Variants in CLASP2 observed in about 807,000 individuals in gnomAD.
The protein encoded by CLASP2 is CLIP-associating protein 2.
A neutral mutation model predicts 194.4 loss-of-function variants in CLASP2; 47 were observed. That is an observed-to-expected ratio of 0.24 (90% CI 0.19 to 0.31). The LOEUF is 0.31. CLASP2 is among the 10% of genes least tolerant of loss of function. The probability of loss-of-function intolerance (pLI) is 1.00; values close to 1 mark genes in which losing one functional copy is unlikely to be tolerated. For missense variants in CLASP2, 1,445 were observed against 1,823.6 expected (o/e 0.79, Z 3.78); for synonymous variants, 619 against 633.5 (o/e 0.98, Z 0.34).
intron 7 of CLASP2, among the ~76,000 whole-genome samples, chr3:33,653,750 G>C (rs2083630599): frequency 1.3e-5 from 2 of 152,168 alleles, no homozygotes; most frequent in Admixed American, 1.3e-4. Flanking sequence ...ATAAATACTA[G>C]TCATGTATTG....
At chr3:33,531,276 A>C (rs922115112) in intron 34 of CLASP2, among the ~76,000 whole-genome samples, 3 of 152,230 alleles carry the variant, frequency 2.0e-5, no homozygotes, top group African/African-American at 7.2e-5. Context: ...ACAGAATGGA[A>C]GAAATATTTG....
In CLASP2 at chr3:33,538,842, C is replaced by T. The variant is rs755679336; in HGVS notation, c.3505G>A (p.Glu1169Lys). The T allele has an allele frequency of 1.4e-5, 23 of 1,604,012 alleles. No homozygotes were observed. Among genetic ancestry groups the T allele is most frequent in the Non-Finnish European group, 1.9e-5 (22 of 1,174,894 alleles). Residue 1169 changes from glutamate (E) to lysine (K), a missense_variant, in exon 33 of 39, where the codon GAA becomes AAA. Physicochemically the swap from Glu to Lys is moderately conservative, Grantham distance 56. This residue lies in a region of CLASP2 where 732 missense variants were observed against 987.9 expected (regional missense o/e 0.74). Coordinates refer to ENST00000682230, the MANE Select transcript of CLASP2 (RefSeq NM_001365631.1). ...CTTTTCAATGGCTCATTCATATCTT[C>T]TTGGCTACGGAAGCTGAAATTCTGG... ...AIQNFSFRSQ[E>K]DMNEPLKRDS...
At chr3:33,671,019 C>T (rs561267679) in intron 6 of CLASP2, among the ~76,000 whole-genome samples, 1 of 152,234 alleles carries the variant, frequency 6.6e-6, no homozygotes, top group Admixed American at 6.5e-5. Context: ...AAATACCCAT[C>T]TCCTGCTGCT....
intron 38 of CLASP2, 76 bp from the exon 39 acceptor site, chr3:33,498,793 A>G: frequency 1.3e-6 from 1 of 788,080 alleles, no homozygotes; most frequent in South Asian, 1.9e-5. Flanking sequence ...AATATTATAT[A>G]CATATATGTG....
intron 23 of CLASP2, among the ~76,000 whole-genome samples, chr3:33,580,726 A>G (rs753398772): frequency 7.2e-5 from 11 of 152,034 alleles, no homozygotes; most frequent in Non-Finnish European, 1.5e-4. Context: ...GTTAAAGAAA[A>G]AAAATCTGGC....
At chr3:33,498,774 A>G in intron 38 of CLASP2, 57 bp from the exon 39 acceptor site, 1 of 1,110,970 alleles carries the variant, frequency 9.0e-7, no homozygotes, top group East Asian at 2.4e-5. Context: ...ATTATAAGAT[A>G]CTCATTAAAA....
intron 34 of CLASP2, among the ~76,000 whole-genome samples, chr3:33,519,927 T>C (rs1193732137): frequency 6.6e-6 from 1 of 152,226 alleles, no homozygotes; most frequent in African/African-American, 2.4e-5. Flanking sequence ...TGATCCTTAG[T>C]AAAGGAGAAG....
At chr3:33,513,993 T>C (rs2050608079) in intron 36 of CLASP2, among the ~76,000 whole-genome samples, 1 of 152,070 alleles carries the variant, frequency 6.6e-6, no homozygotes, top group Admixed American at 6.5e-5. Flanking sequence ...ATTTTTTATT[T>C]ATTTTTATTT....
At chr3:33,703,513 C>G (rs1425755380) in intron 1 of CLASP2, among the ~76,000 whole-genome samples, 1 of 152,192 alleles carries the variant, frequency 6.6e-6, no homozygotes, top group Non-Finnish European at 1.5e-5. Context: ...GAATGCAAAA[C>G]AGTACAGTTA....
chr3:33,606,763 T>TAA lies in CLASP2; in HGVS notation c.1527-7_1527-6dup. 1 of 1,567,362 alleles carries TAA rather than the reference T, an allele frequency of 6.4e-7. No homozygotes were observed. Among genetic ancestry groups the TAA allele is most frequent in the Non-Finnish European group, 8.7e-7 (1 of 1,155,666 alleles). On this transcript the variant is annotated splice_polypyrimidine_tract_variant and splice_region_variant and intron_variant, in intron 15 of 38. Transcript: ENST00000682230. ...TTTCTAAGACCCATGTATGTCCTGT[T>TAA]AAAAAAAAAGAAAAGCAGATGAAGT...
intron 14 of CLASP2, among the ~76,000 whole-genome samples, chr3:33,607,814 A>G (rs932868543): frequency 2.0e-5 from 3 of 152,222 alleles, no homozygotes; most frequent in African/African-American, 4.8e-5. Flanking sequence ...ACCACTGTAG[A>G]AATGATTTGC....
In CLASP2 at chr3:33,496,751, C is replaced by G. The variant is rs982008593; in HGVS notation, c.*1880G>C. 3 of 152,138 alleles carry G rather than the reference C, an allele frequency of 2.0e-5. No individual in the cohort carries two copies. The highest frequency in any genetic ancestry group is 7.2e-5 in the African/African-American group (3 of 41,438). 9.4% of individuals were successfully genotyped at this position (152,138 alleles called of 1,614,324 possible). ...AATGATTACAAACATATCCAAAGGT[C>G]ATAAAATGCTACTGAGAAGAGTTGT... On this transcript the variant is annotated 3_prime_UTR_variant, in exon 39 of 39. Transcript: ENST00000682230.
chr3:33,718,161 G>A lies in CLASP2; in HGVS notation c.-159C>T, dbSNP rs1368938703. On this transcript the variant is annotated 5_prime_UTR_variant, in exon 1 of 39. Coordinates refer to ENST00000682230, the MANE Select transcript of CLASP2 (RefSeq NM_001365631.1). ...CAGCGGGCGGCGGGAGGAACGCCAA[G>A]CGCCCAGCCGCCCCCAAACTAGTCA... The A allele has an allele frequency of 4.9e-6, 3 of 606,310 alleles. No individual in the cohort carries two copies. In the African/African-American group the frequency reaches 5.9e-5, roughly 12 times the overall value. 37.6% of individuals were successfully genotyped at this position (606,310 alleles called of 1,614,324 possible).
At chr3:33,578,867 G>A (rs982995161) in intron 23 of CLASP2, among the ~76,000 whole-genome samples, 5 of 152,194 alleles carry the variant, frequency 3.3e-5, no homozygotes, top group Non-Finnish European at 5.9e-5. Context: ...TTCCAGAGAA[G>A]TTAAACTTTG....
chr3:33,535,273 C>T lies in CLASP2; in HGVS notation c.3747G>A (p.Lys1249=), dbSNP rs773399802. The change falls in exon 34 of 39, where the codon AAG becomes AAA. Residue 1249 remains lysine, a synonymous_variant. Transcript: ENST00000682230. ...SISPFNKSAL[K]EAMFDDDADQ... ...CAGCATCATCATCAAACATGGCTTC[C>T]TTGAGGGCAGACTTGTTGAAGGGAC... is the stretch of plus-strand genomic sequence containing the variant. The T allele has an allele frequency of 6.2e-7, 1 of 1,613,896 alleles. No individual in the cohort carries two copies. The highest frequency in any genetic ancestry group is 1.7e-5 in the Admixed American group (1 of 60,012).
intron 6 of CLASP2, among the ~76,000 whole-genome samples, chr3:33,672,369 C>T (rs1411821966): frequency 6.6e-6 from 1 of 152,194 alleles, no homozygotes; most frequent in East Asian, 1.9e-4. Context: ...TTCCAACAGA[C>T]CTGCAGCTGA....
intron 27 of CLASP2, among the ~76,000 whole-genome samples, chr3:33,566,041 ATCTT>A (rs1485060624): frequency 6.6e-6 from 1 of 152,100 alleles, no homozygotes; most frequent in Non-Finnish European, 1.5e-5. Flanking sequence ...ATACATATCT[ATCTT>A]CATTCATTAT....
Position 33,584,780 on chromosome 3 carries a change from T to C in CLASP2, c.2209A>G (p.Arg737Gly). 6.2e-7 allele frequency: 1 copy of C among 1,611,556 alleles called. No individual in the cohort carries two copies. The highest frequency in any genetic ancestry group is 8.5e-7 in the Non-Finnish European group (1 of 1,178,800). The change falls in exon 22 of 39, where the codon AGA becomes GGA. Residue 737 changes from arginine to glycine, a missense_variant. Around this residue, in one of 4 missense-constraint regions of CLASP2, gnomAD observed 732 missense variants for 987.9 expected, o/e 0.74. Coordinates refer to ENST00000682230, the MANE Select transcript of CLASP2 (RefSeq NM_001365631.1). ...GAAAGCCTAGATGGACTAGCCTCTC[T>C]GCTACAGCCCTGGCTCCGTGGTATC... is the stretch of plus-strand genomic sequence containing the variant. Reference protein sequence around the residue: ...SKIPRSQGCSREASPSRLSVA... With the variant: ...SKIPRSQGCSGEASPSRLSVA...
At chr3:33,596,206 G>A (rs2070312981) in intron 19 of CLASP2, among the ~76,000 whole-genome samples, 1 of 151,736 alleles carries the variant, frequency 6.6e-6, no homozygotes, top group Non-Finnish European at 1.5e-5. Context: ...AAATTAAAAG[G>A]GCAAAGTTTA....
Sources: gnomAD v4.1 joint callset for allele counts (sites outside exome capture counted in the v4.1 genomes callset) on GRCh38, gnomAD v4.1.1 for gene constraint, gnomAD v4.1.1 regional missense constraint, MANE v1.5 for transcripts, NCBI Gene and HGNC (gene_info 2026-07-23, HGNC 2026-07-21) for gene names.